TBC1D30: variants seen among roughly 807,000 people sequenced by gnomAD.
The protein encoded by TBC1D30 is TBC1 domain family member 30, also known as TBC1 domain family, member 30.
A neutral mutation model predicts 63.2 loss-of-function variants in TBC1D30; 31 were observed. The ratio of observed to expected loss-of-function variants is 0.49; its 90% confidence interval spans 0.37 to 0.66. The LOEUF (loss-of-function observed/expected upper bound fraction) is 0.66. Among genes scored for constraint, TBC1D30 ranks in the 30% least tolerant of loss-of-function variants. TBC1D30 has a pLI of 0.00. For synonymous variants in TBC1D30, 307 were observed against 361.5 expected (o/e 0.85, Z 1.71); for missense variants, 810 against 953.6 (o/e 0.85, Z 1.98).
rs150604892 is a variant in TBC1D30 at position 64,766,221 on chromosome 12, G to A, written c.-376+6572G>A. The stretch of plus-strand genomic sequence containing the variant: ...CTTGTGACCTGTGAAACAAAATCAT[G>A]GGGTCTACTATTTACATAACTGGAA... On this transcript the variant is annotated intron_variant, in intron 1 of 13. Transcript: ENST00000674237. Among the ~76,000 whole-genome samples, 1,308 of 152,126 alleles carry A rather than the reference G, an allele frequency of 8.6e-3. 19 individuals are homozygous for A. Among genetic ancestry groups the A allele is most frequent in the African/African-American group, 0.03 (1,244 of 41,506 alleles).
At position 64,824,740 on chromosome 12, in the gene TBC1D30, C is replaced by T; in HGVS notation, c.-140C>T. 1 of 1,231,650 alleles carries T rather than the reference C, an allele frequency of 8.1e-7. No individual in the cohort carries two copies. The highest frequency in any genetic ancestry group is 2.8e-5 in the Admixed American group (1 of 35,612). 76.3% of individuals were successfully genotyped at this position (1,231,650 alleles called of 1,614,324 possible). A position where few individuals can be genotyped will look rare whatever the true frequency, so the allele number is the denominator to read the frequency against. ...GTAAGTCCCCGTGACCCTCCAGCAC[C>T]AGCCGGCTGTGCGCTCCCTGCTCCC... On this transcript the variant is annotated 5_prime_UTR_variant, in exon 1 of 12. Coordinates refer to ENST00000539867, the MANE Select transcript of TBC1D30 (RefSeq NM_015279.2).
chr12:64,793,730 T>C (rs955880684), intron 2 of TBC1D30, among the ~76,000 whole-genome samples: 6 of 152,160 alleles, frequency 3.9e-5, no homozygotes, highest in Non-Finnish European at 8.8e-5. Flanking sequence ...CTGGGCATTC[T>C]GTCCTTCAGT....
In TBC1D30 at chr12:64,876,850, GGGT is replaced by G. The variant is rs1565697349; in HGVS notation, c.*1063_*1065del. On this transcript the variant is annotated 3_prime_UTR_variant, in exon 12 of 12. Coordinates refer to ENST00000539867, the MANE Select transcript of TBC1D30 (RefSeq NM_015279.2). ...CCTTTCTAGCTCTCTCTCACCCAGC[GGGT>G]CAGGGATAGCACCTCTTGTCTCCAC... 1 of 456,026 alleles carries G rather than the reference GGGT, an allele frequency of 2.2e-6. No individual in the cohort carries two copies. Among genetic ancestry groups the G allele is most frequent in the Admixed American group, 2.3e-5 (1 of 42,576 alleles). 28.2% of individuals were successfully genotyped at this position (456,026 alleles called of 1,614,324 possible).
intron 2 of TBC1D30, chr12:64,787,448 G>A: frequency 2.4e-6 from 2 of 843,526 alleles, no homozygotes; most frequent in Non-Finnish European, 2.9e-6. Context: ...AGGCGATTGT[G>A]GAAGTTGCCT....
intron 2 of TBC1D30, among the ~76,000 whole-genome samples, chr12:64,815,905 C>A (rs1873500115): frequency 6.6e-6 from 1 of 151,778 alleles, no homozygotes; most frequent in African/African-American, 2.4e-5. Flanking sequence ...GCCCCAGTAG[C>A]TGGTACGATA....
rs538187736 is a variant in TBC1D30 at position 64,880,910 on chromosome 12, C to T, written c.*5122C>T. ...ACTGGGAAGGAGGTGGATCAATTCT[C>T]CTATGGGACCAACAGTTTTCTGGGA... On this transcript the variant is annotated 3_prime_UTR_variant, in exon 12 of 12. Transcript: ENST00000539867. 9 of 152,314 alleles carry T rather than the reference C, an allele frequency of 5.9e-5. No homozygotes were observed. The highest frequency in any genetic ancestry group is 2.1e-4 in the South Asian group (1 of 4,820). 9.4% of individuals were successfully genotyped at this position (152,314 alleles called of 1,614,324 possible). A position where few individuals can be genotyped will look rare whatever the true frequency, so the allele number is the denominator to read the frequency against.
At chr12:64,851,137 T>A (rs566339033) in intron 8 of TBC1D30, among the ~76,000 whole-genome samples, 63 of 152,328 alleles carry the variant, frequency 4.1e-4, no homozygotes, top group Admixed American at 4.6e-4. Context: ...CATTTTTTAT[T>A]GTGTCTATTT....
chr12:64,815,271 C>G (rs1306194201), intron 2 of TBC1D30, among the ~76,000 whole-genome samples: 2 of 152,132 alleles, frequency 1.3e-5, no homozygotes, highest in African/African-American at 2.4e-5. Context: ...TGGGAGTTAA[C>G]CTGCTTAGTA....
upstream of TBC1D30, chr12:64,779,413 A>G (rs1871168830): frequency 1.3e-5 from 2 of 152,210 alleles, no homozygotes; most frequent in Admixed American, 1.3e-4. Context: ...TTATAAAACC[A>G]TAAAATAATA....
Position 64,781,749 on chromosome 12 carries a change from G to A in TBC1D30, c.478+463G>A, listed in dbSNP as rs185512313. Reference sequence around the variant, plus strand: ...CCGCCTTCTCTGGTCACACCACTTAGTGTTTAACTAGTGAGGCAGAATAAT... The same window carrying A: ...CCGCCTTCTCTGGTCACACCACTTAATGTTTAACTAGTGAGGCAGAATAAT... On this transcript the variant is annotated intron_variant, in intron 1 of 12. Transcript: ENST00000542120. Among the ~76,000 whole-genome samples, 218 of 151,430 alleles carry A rather than the reference G, an allele frequency of 1.4e-3. 1 individual carries two copies. The highest frequency in any genetic ancestry group is 1.0e-3 in the Non-Finnish European group (70 of 67,914).
intron 8 of TBC1D30, among the ~76,000 whole-genome samples, chr12:64,858,369 A>G (rs890295834): frequency 1.3e-5 from 2 of 152,198 alleles, no homozygotes; most frequent in Non-Finnish European, 2.9e-5. Context: ...CGTAGCCACT[A>G]CAGCTGGGAA....
At position 64,877,654 on chromosome 12, in the gene TBC1D30, G is replaced by A. The variant is rs751306170; in HGVS notation, c.*1866G>A. On this transcript the variant is annotated 3_prime_UTR_variant, in exon 12 of 12. Coordinates refer to ENST00000539867, the MANE Select transcript of TBC1D30 (RefSeq NM_015279.2). ...CCTGTTTTTTGGGAAGGCTGTAGGT[G>A]GAGAGATGGGCTTATTTTGCATACC... is the stretch of plus-strand genomic sequence containing the variant. The A allele has an allele frequency of 6.6e-6, 1 of 152,222 alleles. No individual in the cohort carries two copies. Among genetic ancestry groups the A allele is most frequent in the Non-Finnish European group, 1.5e-5 (1 of 68,044 alleles). The allele number at this position is 152,222 out of a possible 1,614,324, so 9.4% of individuals were successfully genotyped here.
chr12:64,760,494 C>T (rs1259845081), intron 1 of TBC1D30, among the ~76,000 whole-genome samples: 1 of 151,956 alleles, frequency 6.6e-6, no homozygotes, highest in African/African-American at 2.4e-5. Flanking sequence ...ACCCGGGAGG[C>T]GGAGCTTGCA....
upstream of TBC1D30, among the ~76,000 whole-genome samples, chr12:64,821,170 A>G (rs1424825053): frequency 6.6e-6 from 1 of 152,236 alleles, no homozygotes; most frequent in Non-Finnish European, 1.5e-5. Flanking sequence ...CAGTCTGGAA[A>G]TTTGGTGTCT....
intron 2 of TBC1D30, among the ~76,000 whole-genome samples, chr12:64,816,842 C>T (rs1004821341): frequency 1.4e-5 from 2 of 145,920 alleles, no homozygotes; most frequent in Non-Finnish European, 1.5e-5. Flanking sequence ...GCTTTTCTTC[C>T]TTCTATCAGG....
rs936160000 is a variant in TBC1D30, at chr12:64,826,689, T to C, written c.155-1146T>C. ...ATATTCCTTCGGAGAAAAAAAAAAC[T>C]TATCTATCCAGGCAGAGTATGGTTA... On this transcript the variant is annotated intron_variant, in intron 1 of 11. Coordinates refer to ENST00000539867, the MANE Select transcript of TBC1D30 (RefSeq NM_015279.2). 3.9e-5 allele frequency among the ~76,000 whole-genome samples: 6 copies of C among 152,170 alleles called. No homozygotes were observed. The South Asian group carries it at 1.2e-3, about 32-fold the overall frequency.
intron 8 of TBC1D30, among the ~76,000 whole-genome samples, chr12:64,847,174 A>G (rs1471613122): frequency 2.7e-5 from 4 of 149,926 alleles, no homozygotes; most frequent in Admixed American, 6.7e-5. Flanking sequence ...TTATTGGTAT[A>G]CAGTTGCTCA....
chr12:64,874,149 C>T (rs1379775291), intron 11 of TBC1D30, among the ~76,000 whole-genome samples: 7 of 152,152 alleles, frequency 4.6e-5, no homozygotes, highest in South Asian at 2.1e-4. Flanking sequence ...AATGCAGTGG[C>T]GCAATGTCAG....
intron 2 of TBC1D30, among the ~76,000 whole-genome samples, chr12:64,797,678 C>T (rs573668275): frequency 6.6e-6 from 1 of 152,230 alleles, no homozygotes; most frequent in South Asian, 2.1e-4. Context: ...CTATTTTCTC[C>T]CCTCGCTCTC....
Sources: gnomAD v4.1 joint callset for allele counts (sites outside exome capture counted in the v4.1 genomes callset) on GRCh38, gnomAD v4.1.1 for gene constraint, MANE v1.5 for transcripts, NCBI Gene and HGNC (gene_info 2026-07-23, HGNC 2026-07-21) for gene names.